The following CSN1S1 variants were observed in gnomAD, a reference collection of about 807,000 sequenced individuals.
The protein encoded by CSN1S1 is alpha-S1-casein.
CSN1S1 carries 63 observed loss-of-function variants against 49.1 expected under a neutral mutation model. The ratio of observed to expected loss-of-function variants is 1.28; its 90% CI spans 1.05 to 1.58. The LOEUF (loss-of-function observed/expected upper bound fraction) is 1.58. Ranked by LOEUF, CSN1S1 falls within the 40% of genes most tolerant of loss-of-function variation. The pLI is 0.00. For synonymous variants in CSN1S1, 78 were observed against 67.1 expected (o/e 1.16, Z -0.79); for missense variants, 260 against 224.7 (o/e 1.16, Z -1.01).
At chr4:69,936,680 G>A in intron 7 of CSN1S1, 73 bp downstream of exon 7, 1 of 1,379,436 alleles carries the variant, frequency 7.2e-7, no homozygotes, top group Non-Finnish European at 9.8e-7. Flanking sequence ...TTTCCTTTAG[G>A]AAAAAAAAGC....
chr4:69,934,163 G>T (rs1429686061), intron 2 of CSN1S1, 49 bp from the exon 3 acceptor site: 2 of 1,419,998 alleles, frequency 1.4e-6, no homozygotes, highest in Admixed American at 3.4e-5. Context: ...TATTGTTATT[G>T]TCATTTTAGT....
chr4:69,936,786 T>C (rs1722801716), intron 7 of CSN1S1, among the ~76,000 whole-genome samples, 179 bp downstream of exon 7: 1 of 151,988 alleles, frequency 6.6e-6, no homozygotes, highest in Non-Finnish European at 1.5e-5. Flanking sequence ...AATGATTTCA[T>C]TGACTTAATT....
At chr4:69,939,295 G>T in intron 10 of CSN1S1, 87 bp downstream of exon 10, 1 of 954,598 alleles carries the variant, frequency 1.0e-6, no homozygotes, top group Non-Finnish European at 1.6e-6. Flanking sequence ...ATCCCTTAAG[G>T]TCTCATTGTA....
Position 69,935,936 on chromosome 4 carries a change from T to C in CSN1S1, c.116T>C (p.Leu39Ser). The part of the protein sequence containing the change: ...NPSESSEPIP[L>S]ESREEYMNGM... ...CTTTTTTTTTTGTAGCCTATACCAT[T>C]AGAATCAAGAGAGGTAAGAATGACT... Residue 39 changes from leucine to serine, a missense_variant, in exon 5 of 16, where the codon TTA becomes TCA. Physicochemically the swap from Leu to Ser is moderately radical, Grantham distance 145 (BLOSUM62 -2). Coordinates refer to ENST00000246891, the MANE Select transcript of CSN1S1 (RefSeq NM_001890.2). The C allele has an allele frequency of 6.5e-7, 1 of 1,536,082 alleles. No homozygotes were observed. The highest frequency in any genetic ancestry group is 8.8e-7 in the Non-Finnish European group (1 of 1,134,302).
At chr4:69,942,279 T>C (rs1290204378) in intron 13 of CSN1S1, among the ~76,000 whole-genome samples, 2 of 151,880 alleles carry the variant, frequency 1.3e-5, no homozygotes, top group African/African-American at 4.8e-5. Flanking sequence ...AAATGGTAGG[T>C]TATTATTTTT....
intron 3 of CSN1S1, 93 bp from the exon 4 acceptor site, chr4:69,934,597 T>C: frequency 8.8e-7 from 1 of 1,135,000 alleles, no homozygotes; most frequent in Non-Finnish European, 1.3e-6. Flanking sequence ...CTTGAATTAG[T>C]TACCTCTACC....
intron 1 of CSN1S1, among the ~76,000 whole-genome samples, chr4:69,931,659 CA>C (rs1056968689): frequency 4.4e-4 from 66 of 151,206 alleles, no homozygotes; most frequent in African/African-American, 1.5e-3. Flanking sequence ...TATTTGGGTT[CA>C]AAAATATGCC....
At chr4:69,931,639 A>C (rs1180291067) in intron 1 of CSN1S1, among the ~76,000 whole-genome samples, 1 of 151,864 alleles carries the variant, frequency 6.6e-6, no homozygotes, top group Non-Finnish European at 1.5e-5. Context: ...AAAGACACAA[A>C]TAGTAAATTT....
intron 10 of CSN1S1, 78 bp downstream of exon 10, chr4:69,939,286 T>C: frequency 9.9e-7 from 1 of 1,013,026 alleles, no homozygotes; most frequent in Non-Finnish European, 1.5e-6. Flanking sequence ...GGATTACATA[T>C]CCCTTAAGGT....
chr4:69,933,299 A>G (rs1456936846), intron 2 of CSN1S1, among the ~76,000 whole-genome samples: 1 of 152,064 alleles, frequency 6.6e-6, no homozygotes, highest in African/African-American at 2.4e-5. Flanking sequence ...AAGAATAAAC[A>G]GGAATCACCT....
At position 69,944,833 on chromosome 4, in the gene CSN1S1, A is replaced by G. The variant is rs376968377; in HGVS notation, c.403-17A>G. The G allele has an allele frequency of 1.5e-5, 24 of 1,610,666 alleles. 1 individual carries two copies. In the East Asian group the frequency reaches 5.4e-4, roughly 36 times the overall value. On this transcript the variant is annotated splice_polypyrimidine_tract_variant and intron_variant, in intron 14 of 15. Coordinates refer to ENST00000246891, the MANE Select transcript of CSN1S1 (RefSeq NM_001890.2). ...ATTGCTCATACACTGTTGCTTTTCA[A>G]ATGTTTTTCCCTCTAGCCTTTCCAG...
chr4:69,938,638 T>TTATATG (rs1328407570), intron 9 of CSN1S1, among the ~76,000 whole-genome samples: 3 of 151,674 alleles, frequency 2.0e-5, no homozygotes, highest in Non-Finnish European at 4.4e-5. Context: ...GAAAGTAAAA[T>TTATATG]TATATGTATA....
rs1424927650 is a variant in CSN1S1, at chr4:69,944,884, C to T, written c.437C>T (p.Pro146Leu). 1.9e-6 allele frequency: 3 copies of T among 1,612,896 alleles called. No homozygotes were observed. Among genetic ancestry groups the T allele is most frequent in the East Asian group, 4.5e-5 (2 of 44,826 alleles). ...FQQLNQLAAY[P>L]YAVWYYPQIM... ...CAGCTCAACCAACTTGCTGCCTACC[C>T]CTATGCTGTTTGGTACTATCCACAA... is the stretch of plus-strand genomic sequence containing the variant. Residue 146 changes from proline to leucine, a missense_variant, in exon 15 of 16, where the codon CCC becomes CTC. Pro to Leu is a moderately conservative substitution (Grantham distance 98). Coordinates refer to ENST00000246891, the MANE Select transcript of CSN1S1 (RefSeq NM_001890.2).
chr4:69,937,070 A>G, intron 7 of CSN1S1, 51 bp from the exon 8 acceptor site: 6 of 1,455,094 alleles, frequency 4.1e-6, no homozygotes, highest in Non-Finnish European at 4.6e-6. Context: ...GAGATAAAAT[A>G]TATATCTTCT....
intron 2 of CSN1S1, among the ~76,000 whole-genome samples, chr4:69,933,135 G>A (rs781197867): frequency 2.7e-5 from 4 of 150,828 alleles, no homozygotes; most frequent in Admixed American, 1.3e-4. Context: ...CTAATTGAGT[G>A]ATCAATTTAT....
rs1239248326 is a variant in CSN1S1, at chr4:69,946,542, T to C, written c.*346T>C. ...TTGTGCAGTGACAGAGATTTTCTTT[T>C]TTCTTTTCAATAAATTACACTTTAA... is the stretch of plus-strand genomic sequence containing the variant. On this transcript the variant is annotated 3_prime_UTR_variant, in exon 16 of 16. Transcript: ENST00000246891. The C allele has an allele frequency of 1.9e-5, 3 of 159,748 alleles. No homozygotes were observed. The highest frequency in any genetic ancestry group is 2.7e-5 in the Non-Finnish European group (2 of 73,326). 9.9% of individuals were successfully genotyped at this position (159,748 alleles called of 1,614,324 possible).
At chr4:69,941,895 A>G in intron 12 of CSN1S1, 151 bp from the exon 13 acceptor site, 2 of 451,614 alleles carry the variant, frequency 4.4e-6, no homozygotes, top group Non-Finnish European at 4.1e-6. Flanking sequence ...GTTAGAACCT[A>G]CTTGTCCTCC....
chr4:69,936,006 G>C (rs1436639318), intron 5 of CSN1S1, 57 bp downstream of exon 5: 3 of 1,338,612 alleles, frequency 2.2e-6, no homozygotes, highest in East Asian at 5.0e-5. Flanking sequence ...TAAGTGTTAA[G>C]ATCAGGAGAC....
chr4:69,932,410 A>C (rs1722635591), intron 1 of CSN1S1, 134 bp from the exon 2 acceptor site: 1 of 631,592 alleles, frequency 1.6e-6, no homozygotes, highest in Admixed American at 2.8e-5. Flanking sequence ...GTTTATAAAA[A>C]TTCACATTAC....
Sources: gnomAD v4.1 joint callset for allele counts (sites outside exome capture counted in the v4.1 genomes callset) on GRCh38, gnomAD v4.1.1 for gene constraint, MANE v1.5 for transcripts, NCBI Gene and HGNC (gene_info 2026-07-23, HGNC 2026-07-21) for gene names.